Variants in ZFPM2 observed in about 807,000 individuals in gnomAD.
ZFPM2 encodes zinc finger protein ZFPM2.
ZFPM2 carries 20 observed loss-of-function variants against 98.6 expected under a neutral mutation model. The ratio of observed to expected loss-of-function variants is 0.20; its 90% CI spans 0.14 to 0.29. ZFPM2 has a LOEUF of 0.29. ZFPM2 is among the 10% of genes least tolerant of loss of function. ZFPM2 has a pLI of 1.00. For synonymous variants in ZFPM2, 518 were observed against 502.7 expected (o/e 1.03, Z -0.41); for missense variants, 1,310 against 1,388.6 (o/e 0.94, Z 0.90).
rs76557524 is a variant in ZFPM2, at chr8:105,513,516, G to A, written c.302-47847G>A. Among the ~76,000 whole-genome samples, 528 of 152,246 alleles carry A rather than the reference G, an allele frequency of 3.5e-3. 4 individuals carry two copies. The highest frequency in any genetic ancestry group is 0.012 in the African/African-American group (494 of 41,552). On this transcript the variant is annotated intron_variant, in intron 3 of 7. Coordinates refer to ENST00000407775, the MANE Select transcript of ZFPM2 (RefSeq NM_012082.4). ...TCCTAGATGTAGAAATGTAGAATAA[G>A]GCAAACTGGAGAGCTCTTCTATTGT... is the stretch of plus-strand genomic sequence containing the variant.
chr8:105,430,716 T>C (rs1812002864), intron 2 of ZFPM2, among the ~76,000 whole-genome samples: 3 of 152,110 alleles, frequency 2.0e-5, no homozygotes, highest in Non-Finnish European at 2.9e-5. Context: ...TTGTGATAAC[T>C]TATTTGGGAC....
At chr8:105,610,236 G>C (rs1816281041) in intron 4 of ZFPM2, among the ~76,000 whole-genome samples, 1 of 152,144 alleles carries the variant, frequency 6.6e-6, no homozygotes, top group South Asian at 2.1e-4. Context: ...TAGATTTACA[G>C]AGTAGCTTAG....
At position 105,427,365 on chromosome 8, in the gene ZFPM2, A is replaced by G. The variant is rs535967331; in HGVS notation, c.199+8063A>G. On this transcript the variant is annotated intron_variant, in intron 2 of 7. Transcript: ENST00000407775. ...ACCCATGGTCATTTATATGAGTAAC[A>G]TATGATAATATGTACTACTGTTTAG... 2.1e-4 allele frequency among the ~76,000 whole-genome samples: 32 copies of G among 152,286 alleles called. No homozygotes were observed. In the East Asian group the frequency reaches 4.6e-3, roughly 22 times the overall value.
intron 1 of ZFPM2, among the ~76,000 whole-genome samples, chr8:105,399,360 G>A (rs1046115098): frequency 2.6e-5 from 4 of 152,010 alleles, no homozygotes; most frequent in Admixed American, 1.3e-4. Flanking sequence ...AGGGACACAA[G>A]AAGTAGAGAT....
intron 5 of ZFPM2, among the ~76,000 whole-genome samples, chr8:105,685,436 G>A (rs563831365): frequency 2.0e-5 from 3 of 152,036 alleles, no homozygotes; most frequent in South Asian, 2.1e-4. Flanking sequence ...TAATGTCCTC[G>A]TTTATTGAAG....
chr8:105,567,689 A>AG, intron 4 of ZFPM2, among the ~76,000 whole-genome samples: 1 of 152,256 alleles, frequency 6.6e-6, no homozygotes, highest in Non-Finnish European at 1.5e-5. Context: ...ATTATTATTG[A>AG]GATTCTAGAG....
chr8:105,533,638 T>TTCCC (rs1051281611), intron 3 of ZFPM2, among the ~76,000 whole-genome samples: 6 of 151,016 alleles, frequency 4.0e-5, no homozygotes, highest in Non-Finnish European at 8.9e-5. Context: ...CTTAGGCCCT[T>TTCCC]TCCCTCCCTC....
chr8:105,570,823 T>G (rs10089109), intron 4 of ZFPM2, among the ~76,000 whole-genome samples: 146 of 152,292 alleles, frequency 9.6e-4, no homozygotes, highest in African/African-American at 3.2e-3. Context: ...TGCCTGAAAT[T>G]TTAATACATT....
In ZFPM2 at chr8:105,722,249, C is replaced by A. The variant is rs1290423945; in HGVS notation, c.533-66469C>A. Among the ~76,000 whole-genome samples, 6 of 151,874 alleles carry A rather than the reference C, an allele frequency of 4.0e-5. No individual in the cohort carries two copies. In the South Asian group the frequency reaches 8.3e-4, roughly 21 times the overall value. ...CCTGCTTATAAAGAATAACTTAATT[C>A]TTTCATACCAATATATTTTCTAGAC... On this transcript the variant is annotated intron_variant, in intron 5 of 7. Transcript: ENST00000407775.
chr8:105,461,369 T>C (rs558176059), intron 3 of ZFPM2, among the ~76,000 whole-genome samples: 5 of 152,276 alleles, frequency 3.3e-5, no homozygotes, highest in Non-Finnish European at 7.4e-5. Context: ...TCAACCATGA[T>C]TTAAAATTAC....
chr8:105,330,277 G>A (rs904072191), intron 1 of ZFPM2, among the ~76,000 whole-genome samples: 1 of 151,096 alleles, frequency 6.6e-6, no homozygotes, highest in Non-Finnish European at 1.5e-5. Flanking sequence ...AGGACAGTTG[G>A]GTCTCAGCAA....
At chr8:105,763,060 CT>C (rs1213643643) in intron 5 of ZFPM2, among the ~76,000 whole-genome samples, 391 of 139,356 alleles carry the variant, frequency 2.8e-3, no homozygotes, top group Non-Finnish European at 3.6e-3. Flanking sequence ...TTATTTCTTT[CT>C]TTTTTTTTTT....
chr8:105,781,843 G>A (rs570003560), intron 5 of ZFPM2, among the ~76,000 whole-genome samples: 20 of 152,124 alleles, frequency 1.3e-4, no homozygotes, highest in Non-Finnish European at 2.4e-4. Flanking sequence ...GCCTAATGCT[G>A]CTTCATAAAT....
intron 3 of ZFPM2, among the ~76,000 whole-genome samples, chr8:105,503,595 A>G (rs545911761): frequency 1.3e-5 from 2 of 152,312 alleles, no homozygotes; most frequent in East Asian, 3.9e-4. Flanking sequence ...GCCACACTTG[A>G]TATCTGTGAG....
intron 3 of ZFPM2, among the ~76,000 whole-genome samples, chr8:105,514,307 C>CTTTTTTTTTTTTTTTTTTTTTTTTTTT (rs56955237): frequency 7.8e-6 from 1 of 127,546 alleles, no homozygotes; most frequent in African/African-American, 3.2e-5. Context: ...CTGGTCGTGT[C>CTTTTTTTTTTTTTTTTTTTTTTTTTTT]TTTTTTTTTT....
At chr8:105,562,917 G>A (rs1010383158) in intron 4 of ZFPM2, among the ~76,000 whole-genome samples, 3 of 152,016 alleles carry the variant, frequency 2.0e-5, no homozygotes, top group African/African-American at 7.2e-5. Context: ...CTACCACATG[G>A]GATAAAAGAA....
intron 3 of ZFPM2, among the ~76,000 whole-genome samples, chr8:105,493,577 G>C (rs1813398334): frequency 6.6e-6 from 1 of 152,126 alleles, no homozygotes; most frequent in Non-Finnish European, 1.5e-5. Context: ...ACTAAAGTTT[G>C]TGCACTGTGG....
intron 3 of ZFPM2, among the ~76,000 whole-genome samples, chr8:105,447,974 A>G (rs1312153131): frequency 6.6e-6 from 1 of 152,106 alleles, no homozygotes; most frequent in Non-Finnish European, 1.5e-5. Flanking sequence ...TGGAACCTAA[A>G]CAATCTTTAA....
intron 5 of ZFPM2, among the ~76,000 whole-genome samples, chr8:105,724,778 A>G (rs775329046): frequency 1.3e-5 from 2 of 151,780 alleles, no homozygotes; most frequent in Non-Finnish European, 2.9e-5. Context: ...AGATTTATAT[A>G]TATTTTATGG....
Sources: gnomAD v4.1 joint callset for allele counts (sites outside exome capture counted in the v4.1 genomes callset) on GRCh38, gnomAD v4.1.1 for gene constraint, MANE v1.5 for transcripts, NCBI Gene and HGNC (gene_info 2026-07-23, HGNC 2026-07-21) for gene names.